Variants in PCDHA8 observed in about 807,000 individuals in gnomAD.
PCDHA8 encodes the protein protocadherin alpha-8.
In PCDHA8, 53 loss-of-function variants were observed where a neutral mutation model predicts 61.8. The ratio of observed to expected loss-of-function variants is 0.86; its 90% CI spans 0.69 to 1.08. The LOEUF (loss-of-function observed/expected upper bound fraction) is 1.08. Among genes scored for constraint, PCDHA8 ranks in the 50% least tolerant of loss-of-function variants. The pLI is 0.00. For missense variants in PCDHA8, 1,293 were observed against 1,245.0 expected (o/e 1.04, Z -0.58); for synonymous variants, 618 against 556.6 (o/e 1.11, Z -1.55).
chr5:140,895,320 T>C (rs561707282), intron 1 of PCDHA8, among the ~76,000 whole-genome samples: 2 of 152,298 alleles, frequency 1.3e-5, no homozygotes, highest in East Asian at 3.9e-4. Flanking sequence ...CCATGACTAT[T>C]GTTCTCAAAT....
Position 140,857,776 on chromosome 5 carries a change from CAGTG to C in PCDHA8, c.2394+14064_2394+14067del, listed in dbSNP as rs1342226765. ...CCGCTGGCAGCGCGGGCGGTGCAGTCAGTGAGCTGGTGCTGCGGTCGGTGGTTGC... is the reference window on the plus strand; with the variant it reads ...CCGCTGGCAGCGCGGGCGGTGCAGTCAGCTGGTGCTGCGGTCGGTGGTTGC... On this transcript the variant is annotated intron_variant, in intron 1 of 3. Coordinates refer to ENST00000531613, the MANE Select transcript of PCDHA8 (RefSeq NM_018911.3). 21 of 1,597,526 alleles carry C rather than the reference CAGTG, an allele frequency of 1.3e-5. No homozygotes were observed. In the Admixed American group the frequency reaches 3.4e-4, roughly 26 times the overall value.
intron 1 of PCDHA8, chr5:140,883,054 C>T: frequency 6.2e-7 from 1 of 1,614,072 alleles, no homozygotes; most frequent in South Asian, 1.1e-5. Context: ...CATTAGTGAT[C>T]AAGCTAAATG....
Position 140,915,626 on chromosome 5 carries a change from G to GTCTCTCTC in PCDHA8, c.2395-63300_2395-63293dup, listed in dbSNP as rs57920489. Among the ~76,000 whole-genome samples the GTCTCTCTC allele has an allele frequency of 4.4e-3, 648 of 146,532 alleles. 6 individuals carry two copies. Among genetic ancestry groups the GTCTCTCTC allele is most frequent in the East Asian group, 0.011 (51 of 4,846 alleles). Reference sequence around the variant, plus strand: ...ACTTTCTGTCAAACAGTCTCTTTCTGTCTCTCTCTCTCTCTCTCTCTCTCT... The same window carrying GTCTCTCTC: ...ACTTTCTGTCAAACAGTCTCTTTCTGTCTCTCTCTCTCTCTCTCTCTCTCTCTCTCTCT... On this transcript the variant is annotated intron_variant, in intron 1 of 3. Transcript: ENST00000531613.
At chr5:140,951,767 G>A (rs561938687) in intron 1 of PCDHA8, among the ~76,000 whole-genome samples, 2 of 152,160 alleles carry the variant, frequency 1.3e-5, no homozygotes, top group South Asian at 2.1e-4. Context: ...ATCTCATGAC[G>A]TTCTTACATT....
Position 140,884,599 on chromosome 5 carries a change from T to C in PCDHA8, c.2394+40884T>C, listed in dbSNP as rs1490825306. 3 of 1,614,042 alleles carry C rather than the reference T, an allele frequency of 1.9e-6. No homozygotes were observed. In the East Asian group the frequency reaches 6.7e-5, roughly 36 times the overall value. ...TCATGGCCTTCAGTCCCAGCCTTCC[T>C]CCTTGTCTGGGTTCTGCAGAGGGAA... On this transcript the variant is annotated intron_variant, in intron 1 of 3. Transcript: ENST00000531613.
At chr5:140,883,760 CG>C (rs1160842473) in intron 1 of PCDHA8, 1 of 1,612,672 alleles carries the variant, frequency 6.2e-7, no homozygotes, top group Non-Finnish European at 8.5e-7. Context: ...GGTGGAGCGG[CG>C]GGTGGGCGAG....
chr5:140,983,924 A>G (rs1554245819), intron 3 of PCDHA8, among the ~76,000 whole-genome samples: 1 of 152,216 alleles, frequency 6.6e-6, no homozygotes, highest in African/African-American at 2.4e-5. Flanking sequence ...AGGATTTGCT[A>G]TTTATGGATG....
rs201064172 is a variant in PCDHA8 at position 140,856,130 on chromosome 5, G to T, written c.2394+12415G>T. Reference sequence around the variant, plus strand: ...CCTCGCAGCCTGGGAGGTGGGGAGCGGCCAGCTCCACTACTCAGTCTACGA... The same window carrying T: ...CCTCGCAGCCTGGGAGGTGGGGAGCTGCCAGCTCCACTACTCAGTCTACGA... On this transcript the variant is annotated intron_variant, in intron 1 of 3. Coordinates refer to ENST00000531613, the MANE Select transcript of PCDHA8 (RefSeq NM_018911.3). 2.5e-4 allele frequency: 403 copies of T among 1,597,952 alleles called. 51 individuals carry two copies. Among genetic ancestry groups the T allele is most frequent in the Non-Finnish European group, 3.0e-4 (350 of 1,167,798 alleles).
chr5:140,939,733 C>T (rs1433987863), intron 1 of PCDHA8, among the ~76,000 whole-genome samples: 2 of 152,162 alleles, frequency 1.3e-5, no homozygotes, highest in Non-Finnish European at 2.9e-5. Flanking sequence ...TTGTGTGTAG[C>T]TGTGTATCAT....
At chr5:140,988,874 T>G (rs1407460154) in intron 3 of PCDHA8, 2 of 152,194 alleles carry the variant, frequency 1.3e-5, no homozygotes, top group Non-Finnish European at 1.5e-5. Flanking sequence ...CACTCAGATG[T>G]ACGATCCTGG....
chr5:140,925,455 T>TTG, intron 1 of PCDHA8, among the ~76,000 whole-genome samples: 1 of 152,222 alleles, frequency 6.6e-6, no homozygotes, highest in East Asian at 1.9e-4. Flanking sequence ...GGTGTATCTG[T>TTG]TGTGGCTCAG....
chr5:140,909,164 A>T (rs2074347084), intron 1 of PCDHA8, among the ~76,000 whole-genome samples: 1 of 152,238 alleles, frequency 6.6e-6, no homozygotes, highest in South Asian at 2.1e-4. Context: ...AGGGAAAATC[A>T]ATCAAGTTCT....
chr5:141,001,286 A>G (rs1375093882), intron 3 of PCDHA8, among the ~76,000 whole-genome samples: 1 of 152,160 alleles, frequency 6.6e-6, no homozygotes, highest in Non-Finnish European at 1.5e-5. Context: ...TACGGATGAA[A>G]ACTGAGGCCC....
chr5:140,899,140 G>A (rs2067159296), intron 1 of PCDHA8, among the ~76,000 whole-genome samples: 1 of 152,090 alleles, frequency 6.6e-6, no homozygotes, highest in Non-Finnish European at 1.5e-5. Flanking sequence ...CTGCAAACAG[G>A]GACAATTTGA....
intron 1 of PCDHA8, among the ~76,000 whole-genome samples, chr5:140,872,243 T>A (rs1484959006): frequency 6.6e-6 from 1 of 152,192 alleles, no homozygotes; most frequent in African/African-American, 2.4e-5. Flanking sequence ...TCTTTATTCC[T>A]GTGATAATAC....
Position 140,938,896 on chromosome 5 carries a change from C to T in PCDHA8, c.2395-40053C>T, listed in dbSNP as rs188490743. 3.9e-5 allele frequency among the ~76,000 whole-genome samples: 6 copies of T among 152,036 alleles called. 1 individual carries two copies. The East Asian group carries it at 1.2e-3, about 29-fold the overall frequency. The stretch of plus-strand genomic sequence containing the variant: ...GAAGCAACACACACACACACAGATG[C>T]GCACACACACACACGCACAAGAAAT... On this transcript the variant is annotated intron_variant, in intron 1 of 3. Transcript: ENST00000531613.
intron 1 of PCDHA8, among the ~76,000 whole-genome samples, chr5:140,940,939 C>T (rs930086780): frequency 2.0e-5 from 3 of 152,154 alleles, no homozygotes; most frequent in African/African-American, 2.4e-5. Context: ...ACTTAGACTA[C>T]GTATTCTCAG....
chr5:140,926,303 C>G (rs1248613470), intron 1 of PCDHA8: 1 of 152,328 alleles, frequency 6.6e-6, no homozygotes, highest in African/African-American at 2.4e-5. Flanking sequence ...CCCGCCCTCT[C>G]CGCCGGAGAG....
chr5:140,883,980 G>A, intron 1 of PCDHA8: 1 of 1,612,872 alleles, frequency 6.2e-7, no homozygotes, highest in Non-Finnish European at 8.5e-7. Context: ...CCCGGGGCTG[G>A]CAGCGCGGGA....
Sources: allele counts gnomAD v4.1 joint callset (sites outside exome capture counted in the v4.1 genomes callset), GRCh38; gene constraint gnomAD v4.1.1; transcripts MANE v1.5; gene names NCBI Gene and HGNC (gene_info 2026-07-23, HGNC 2026-07-21).